Variants in YAF2 observed in about 807,000 individuals in gnomAD.
The protein encoded by YAF2 is YY1 associated factor 2.
A neutral mutation model predicts 20.1 loss-of-function variants in YAF2; 7 were observed. The observed-to-expected ratio is 0.35, with a 90% CI of 0.20 to 0.65. The LOEUF is 0.65. Ranked by LOEUF, YAF2 falls within the 30% of genes least tolerant of loss-of-function variation. The pLI is 0.69. For synonymous variants in YAF2, 74 were observed against 76.0 expected (o/e 0.97, Z 0.14); for missense variants, 151 against 219.2 (o/e 0.69, Z 1.96).
rs73281890 is a variant in YAF2, at chr12:42,223,300, A to C, written c.152+14299T>G. Among the ~76,000 whole-genome samples the C allele has an allele frequency of 8.5e-3, 1,296 of 151,950 alleles. 20 individuals carry two copies. The highest frequency in any genetic ancestry group is 0.029 in the African/African-American group (1,200 of 41,402). ...ATTTTACATCAATTATATAACTATC[A>C]TCTTAAAAACAGCAGTTTCTTTAAA... is the stretch of plus-strand genomic sequence containing the variant. On this transcript the variant is annotated intron_variant, in intron 2 of 3. Transcript: ENST00000534854.
At chr12:42,184,039 T>C (rs1236451629) in intron 2 of YAF2, among the ~76,000 whole-genome samples, 2 of 152,198 alleles carry the variant, frequency 1.3e-5, no homozygotes, top group Non-Finnish European at 2.9e-5. Context: ...AGCACATCTG[T>C]TTACAGCATA....
intron 2 of YAF2, among the ~76,000 whole-genome samples, chr12:42,162,761 G>A (rs1244764108): frequency 1.3e-5 from 2 of 152,118 alleles, no homozygotes; most frequent in Non-Finnish European, 2.9e-5. Context: ...AAAGCTGCAT[G>A]GCTGAGAGAA....
Position 42,219,450 on chromosome 12 carries a change from G to A in YAF2, c.152+18149C>T, listed in dbSNP as rs572907581. Reference sequence around the variant, plus strand: ...CTGGGAGCAGGGATAAGAGATAGGAGGTATAACAGAGAAAGCATTTTTGGA... The same window carrying A: ...CTGGGAGCAGGGATAAGAGATAGGAAGTATAACAGAGAAAGCATTTTTGGA... On this transcript the variant is annotated intron_variant, in intron 2 of 3. Transcript: ENST00000534854. Among the ~76,000 whole-genome samples the A allele has an allele frequency of 5.9e-5, 9 of 152,292 alleles. No homozygotes were observed. In the East Asian group the frequency reaches 1.5e-3, roughly 26 times the overall value.
chr12:42,224,201 T>TA (rs912297346), intron 2 of YAF2, among the ~76,000 whole-genome samples: 2 of 152,134 alleles, frequency 1.3e-5, no homozygotes, highest in African/African-American at 4.8e-5. Flanking sequence ...TTCAAACCCT[T>TA]AAAGGCTAGA....
At chr12:42,229,992 C>T (rs190632265) in intron 2 of YAF2, among the ~76,000 whole-genome samples, 1 of 152,260 alleles carries the variant, frequency 6.6e-6, no homozygotes, top group Non-Finnish European at 1.5e-5. Context: ...CATATGGTGG[C>T]TTACGCCTGC....
At chr12:42,232,378 ACT>A in intron 2 of YAF2, 2 of 945,382 alleles carry the variant, frequency 2.1e-6, no homozygotes, top group Non-Finnish European at 2.5e-6. Context: ...GATCTCAGGG[ACT>A]CTCAGTGTCC....
At chr12:42,166,033 C>T (rs564412144) in intron 2 of YAF2, among the ~76,000 whole-genome samples, 1 of 152,174 alleles carries the variant, frequency 6.6e-6, no homozygotes, top group African/African-American at 2.4e-5. Flanking sequence ...ATTCTCCTAC[C>T]TCAGCCTCCC....
Position 42,238,182 on chromosome 12 carries a change from G to C in YAF2, c.-2C>G. 1 of 1,539,078 alleles carries C rather than the reference G, an allele frequency of 6.5e-7. No individual in the cohort carries two copies. On this transcript the variant is annotated 5_prime_UTR_variant, in exon 1 of 4. Coordinates refer to ENST00000534854, the MANE Select transcript of YAF2 (RefSeq NM_005748.6). ...GGTGGGGCTCTTCTTGTCTCCCATG[G>C]CTTGGCTATCACCGCACGCCGAGAG...
In YAF2 at chr12:42,210,044, C is replaced by T. The variant is rs541986244; in HGVS notation, c.152+27555G>A. 1.1e-4 allele frequency among the ~76,000 whole-genome samples: 17 copies of T among 152,264 alleles called. No homozygotes were observed. The East Asian group carries it at 2.1e-3, about 19-fold the overall frequency. On this transcript the variant is annotated intron_variant, in intron 2 of 3. Transcript: ENST00000534854. ...AACTCCCGACCTCAGGTGATCCACCCGCCTTGGCCTCCAAAAGTACTGGGA... is the reference window on the plus strand; with the variant it reads ...AACTCCCGACCTCAGGTGATCCACCTGCCTTGGCCTCCAAAAGTACTGGGA...
In YAF2 at chr12:42,159,215, T is replaced by C. The variant is rs1267295439; in HGVS notation, c.*1374A>G. The C allele has an allele frequency of 6.6e-6, 1 of 152,122 alleles. No individual in the cohort carries two copies. Among genetic ancestry groups the C allele is most frequent in the Non-Finnish European group, 1.5e-5 (1 of 67,980 alleles). The allele number at this position is 152,122 out of a possible 1,614,324, so 9.4% of individuals were successfully genotyped here. A position where few individuals can be genotyped will look rare whatever the true frequency, so the allele number is the denominator to read the frequency against. ...CAACTGTTAGGGTCTACAGTTTTAT[T>C]TTTTCTTCAAATGTTATCATGATGT... is the stretch of plus-strand genomic sequence containing the variant. On this transcript the variant is annotated 3_prime_UTR_variant, in exon 4 of 4. Transcript: ENST00000534854.
chr12:42,234,502 T>C, intron 2 of YAF2: 1 of 983,540 alleles, frequency 1.0e-6, no homozygotes, highest in Non-Finnish European at 1.2e-6. Context: ...TACCCCAAAA[T>C]CTAAAATAAA....
At chr12:42,173,036 G>GGGAGAGAGAGAC (rs2066088918) in intron 2 of YAF2, among the ~76,000 whole-genome samples, 1 of 152,094 alleles carries the variant, frequency 6.6e-6, no homozygotes, top group Non-Finnish European at 1.5e-5. Flanking sequence ...ACATGAGAGA[G>GGGAGAGAGAGAC]GGAGAGAGAG....
chr12:42,207,296 G>C (rs2067071694), intron 2 of YAF2, among the ~76,000 whole-genome samples: 1 of 152,162 alleles, frequency 6.6e-6, no homozygotes, highest in South Asian at 2.1e-4. Context: ...ATCTGTCAAA[G>C]AGCATTTCCT....
At chr12:42,233,791 G>C in intron 2 of YAF2, 3 of 985,460 alleles carry the variant, frequency 3.0e-6, no homozygotes, top group Non-Finnish European at 3.6e-6. Flanking sequence ...GGGCTTACAG[G>C]TGTGGGCCAC....
intron 2 of YAF2, chr12:42,232,244 T>A (rs963935590): frequency 5.2e-6 from 1 of 193,056 alleles, no homozygotes; most frequent in African/African-American, 2.4e-5. Flanking sequence ...CTGCTTTGAT[T>A]CATGCTAAGG....
At chr12:42,190,473 C>G (rs907977110) in intron 2 of YAF2, among the ~76,000 whole-genome samples, 50 of 152,300 alleles carry the variant, frequency 3.3e-4, no homozygotes, top group African/African-American at 1.1e-3. Flanking sequence ...TTTTAAAGGA[C>G]AAGTTCTGTT....
intron 2 of YAF2, among the ~76,000 whole-genome samples, chr12:42,204,623 A>G (rs2066989207): frequency 6.6e-6 from 1 of 152,236 alleles, no homozygotes; most frequent in African/African-American, 2.4e-5. Flanking sequence ...AATAGTTCAC[A>G]GAAGACTATT....
chr12:42,219,987 T>C (rs1472431052), intron 2 of YAF2, among the ~76,000 whole-genome samples: 4 of 152,134 alleles, frequency 2.6e-5, no homozygotes, highest in African/African-American at 7.2e-5. Flanking sequence ...TGAGAACTGC[T>C]CAATTAAATA....
intron 2 of YAF2, among the ~76,000 whole-genome samples, chr12:42,185,461 C>CT (rs2066448708): frequency 6.6e-6 from 1 of 152,214 alleles, no homozygotes; most frequent in Admixed American, 6.5e-5. Context: ...AGAAGTTTTG[C>CT]TGTGAGTAAA....
Sources: allele counts gnomAD v4.1 joint callset (sites outside exome capture counted in the v4.1 genomes callset), GRCh38; gene constraint gnomAD v4.1.1; transcripts MANE v1.5; gene names NCBI Gene and HGNC (gene_info 2026-07-23, HGNC 2026-07-21).